MAGI2: variants seen among roughly 807,000 people sequenced by gnomAD.
The protein encoded by MAGI2 is membrane-associated guanylate kinase, WW and PDZ domain-containing protein 2.
Under a neutral mutation model 133.3 loss-of-function variants are expected in MAGI2, and 35 were observed. That is an observed-to-expected ratio of 0.26 (90% confidence interval 0.20 to 0.35). MAGI2 has a LOEUF of 0.35. Ranked by LOEUF, MAGI2 falls within the 10% of genes least tolerant of loss-of-function variation. MAGI2 has a pLI of 1.00. For synonymous variants in MAGI2, 729 were observed against 710.6 expected, an observed-to-expected ratio of 1.03 and a Z score of -0.41; for missense variants, 1,636 against 1,863.4, an observed-to-expected ratio of 0.88 and a Z score of 2.25.
At chr7:78,512,137 A>T (rs918427537) in intron 4 of MAGI2, among the ~76,000 whole-genome samples, 9 of 100,208 alleles carry the variant, frequency 9.0e-5, no homozygotes, top group African/African-American at 1.3e-4. Flanking sequence ...AAAATAAATT[A>T]AAAAAAAAAA....
At chr7:78,388,698 T>A (rs1795630710) in intron 6 of MAGI2, among the ~76,000 whole-genome samples, 1 of 152,200 alleles carries the variant, frequency 6.6e-6, no homozygotes, top group African/African-American at 2.4e-5. Flanking sequence ...GGGATTCAAC[T>A]GGAGTACATT....
chr7:78,533,977 T>A (rs1046246527), intron 3 of MAGI2, among the ~76,000 whole-genome samples: 1 of 152,156 alleles, frequency 6.6e-6, no homozygotes, highest in Non-Finnish European at 1.5e-5. Context: ...CAATGACAGC[T>A]GAGTGATGGG....
chr7:78,581,981 C>G (rs1272024990), intron 3 of MAGI2, among the ~76,000 whole-genome samples: 1 of 152,148 alleles, frequency 6.6e-6, no homozygotes, highest in Admixed American at 6.6e-5. Flanking sequence ...ACATGAGAAT[C>G]TTAGGACCTG....
At chr7:78,644,256 T>C (rs1424310360) in intron 2 of MAGI2, among the ~76,000 whole-genome samples, 1 of 152,104 alleles carries the variant, frequency 6.6e-6, no homozygotes, top group East Asian at 1.9e-4. Flanking sequence ...CTTTTAATAA[T>C]TGATAAAACA....
intron 6 of MAGI2, among the ~76,000 whole-genome samples, chr7:78,370,498 T>C (rs2151265220): frequency 6.6e-6 from 1 of 152,108 alleles, no homozygotes; most frequent in African/African-American, 2.4e-5. Context: ...AAATCTTTTA[T>C]CATATTTCTA....
intron 1 of MAGI2, among the ~76,000 whole-genome samples, chr7:79,352,051 A>G (rs1383440096): frequency 2.0e-5 from 3 of 152,198 alleles, no homozygotes; most frequent in South Asian, 4.1e-4. Context: ...ACTAGAGGGT[A>G]CAGATAACAC....
chr7:78,981,070 T>G (rs1448066288), intron 2 of MAGI2, among the ~76,000 whole-genome samples: 1 of 151,708 alleles, frequency 6.6e-6, no homozygotes, highest in East Asian at 1.9e-4. Flanking sequence ...TAAGAATTTT[T>G]TGCTTGGCTC....
rs149136844 is a variant in MAGI2, at chr7:78,294,416, C to G, written c.1409-37835G>C. ...GTAGTTTCTATTTTGATTTCCATAT[C>G]GAGACCATTACCTTTTTAATACTTT... On this transcript the variant is annotated intron_variant, in intron 9 of 21. Transcript: ENST00000354212. 6.8e-3 allele frequency among the ~76,000 whole-genome samples: 1,029 copies of G among 152,182 alleles called. 13 individuals are homozygous for G. The highest frequency in any genetic ancestry group is 0.023 in the African/African-American group (962 of 41,540).
intron 2 of MAGI2, among the ~76,000 whole-genome samples, chr7:78,735,139 T>C (rs1187186216): frequency 6.6e-6 from 1 of 152,218 alleles, no homozygotes; most frequent in African/African-American, 2.4e-5. Flanking sequence ...TATCTTTCCA[T>C]GTGTGTACAG....
rs6968901 is a variant in MAGI2 at position 79,160,245 on chromosome 7, A to T, written c.302-153039T>A. Among the ~76,000 whole-genome samples the T allele has an allele frequency of 6.8e-4, 103 of 152,236 alleles. 1 individual carries two copies. Among genetic ancestry groups the T allele is most frequent in the Middle Eastern group, 3.4e-3 (1 of 294 alleles). ...ATGTTGATTTTTCTTTAAAAAAGTG[A>T]ATCTAGGTTTTTTCCTCTAGTTAAA... is the stretch of plus-strand genomic sequence containing the variant. On this transcript the variant is annotated intron_variant, in intron 1 of 21. Transcript: ENST00000354212.
At position 79,007,223 on chromosome 7, in the gene MAGI2, T is replaced by C; in HGVS notation, c.302-17A>G. 1 of 1,509,362 alleles carries C rather than the reference T, an allele frequency of 6.6e-7. No homozygotes were observed. The highest frequency in any genetic ancestry group is 9.1e-7 in the Non-Finnish European group (1 of 1,093,654). 93.5% of individuals were successfully genotyped at this position (1,509,362 alleles called of 1,614,324 possible). On this transcript the variant is annotated splice_polypyrimidine_tract_variant and intron_variant, in intron 1 of 21. Coordinates refer to ENST00000354212, the MANE Select transcript of MAGI2 (RefSeq NM_012301.4). ...CAATTCCTCCTAAAAATAAAAAAAG[T>C]TTCTTGGTAAGGGATGTTGGAAAAT...
chr7:78,052,694 A>G (rs923323529), intron 21 of MAGI2, among the ~76,000 whole-genome samples: 1 of 152,230 alleles, frequency 6.6e-6, no homozygotes. Flanking sequence ...AATTTACTTT[A>G]TCACCCAAGA....
intron 2 of MAGI2, among the ~76,000 whole-genome samples, chr7:78,811,706 A>T (rs1193688982): frequency 1.3e-5 from 2 of 152,338 alleles, no homozygotes; most frequent in Non-Finnish European, 1.5e-5. Context: ...AAGTTTAGAG[A>T]AGGCCAAATT....
intron 2 of MAGI2, among the ~76,000 whole-genome samples, chr7:78,872,118 C>A (rs1584233862): frequency 2.1e-5 from 3 of 141,246 alleles, no homozygotes; most frequent in South Asian, 2.2e-4. Context: ...AACAAACAAA[C>A]AAACAAATAA....
rs1431170446 is a variant in MAGI2 at position 79,453,326 on chromosome 7, T to C, written c.-6A>G. On this transcript the variant is annotated 5_prime_UTR_variant, in exon 1 of 22. Transcript: ENST00000354212. ...TTTTTCAAGCTTTTGGACATGGCAG[T>C]GGGGCGAGTCGCCTCAGTTCCTGGG... 1 of 1,599,532 alleles carries C rather than the reference T, an allele frequency of 6.3e-7. No homozygotes were observed. The highest frequency in any genetic ancestry group is 8.5e-7 in the Non-Finnish European group (1 of 1,171,958).
chr7:78,729,871 AAC>A (rs1336335296), intron 2 of MAGI2, among the ~76,000 whole-genome samples: 2 of 152,164 alleles, frequency 1.3e-5, no homozygotes, highest in Admixed American at 1.3e-4. Flanking sequence ...AGGGAAAATA[AAC>A]AGTTTGATTT....
At chr7:78,053,089 C>G (rs970054063) in intron 21 of MAGI2, among the ~76,000 whole-genome samples, 1 of 152,088 alleles carries the variant, frequency 6.6e-6, no homozygotes, top group Admixed American at 6.5e-5. Context: ...ATTATTTTAC[C>G]TCTTTTGATT....
intron 2 of MAGI2, among the ~76,000 whole-genome samples, chr7:78,878,311 A>G (rs548803): frequency 0.61 from 92,914 of 152,068 alleles, 29,710 homozygotes; most frequent in Middle Eastern, 0.75. Flanking sequence ...AATAATTTTA[A>G]AATGAGGAGT....
At chr7:78,759,161 T>C (rs1361440061) in intron 2 of MAGI2, among the ~76,000 whole-genome samples, 2 of 151,994 alleles carry the variant, frequency 1.3e-5, no homozygotes, top group Non-Finnish European at 2.9e-5. Flanking sequence ...TTAATGTCAA[T>C]AAAATAACAA....
Sources: allele counts gnomAD v4.1 joint callset (sites outside exome capture counted in the v4.1 genomes callset), GRCh38; gene constraint gnomAD v4.1.1; transcripts MANE v1.5; gene names NCBI Gene and HGNC (gene_info 2026-07-23, HGNC 2026-07-21).